The following DTD1 variants were observed in gnomAD, a reference collection of about 807,000 sequenced individuals.
The protein encoded by DTD1 is D-aminoacyl-tRNA deacylase 1.
A neutral mutation model predicts 25.6 loss-of-function variants in DTD1; 13 were observed. The ratio of observed to expected loss-of-function variants is 0.51; its 90% CI spans 0.33 to 0.81. DTD1 has a LOEUF of 0.81. Among genes scored for constraint, DTD1 ranks in the 30% least tolerant of loss-of-function variants. The probability of loss-of-function intolerance (pLI) is 0.02; values close to 1 mark genes in which losing one functional copy is unlikely to be tolerated. For missense variants in DTD1, 193 were observed against 266.4 expected (o/e 0.72, Z 1.92); for synonymous variants, 110 against 103.6 (o/e 1.06, Z -0.37).
At chr20:18,681,620 T>C (rs757161736) in intron 4 of DTD1, among the ~76,000 whole-genome samples, 1 of 152,152 alleles carries the variant, frequency 6.6e-6, no homozygotes, top group African/African-American at 2.4e-5. Context: ...AAGAAAATGT[T>C]TCCAGTGTTG....
At position 18,671,561 on chromosome 20, in the gene DTD1, T is replaced by G. The variant is rs74963306; in HGVS notation, c.477+43328T>G. On this transcript the variant is annotated intron_variant, in intron 4 of 5. Coordinates refer to ENST00000377452, the MANE Select transcript of DTD1 (RefSeq NM_080820.6). Reference sequence around the variant, plus strand: ...CCTGTGCTATTTATTGCATAAAGCATTAAAAACAGCACTAGCATGGTCATC... The same window carrying G: ...CCTGTGCTATTTATTGCATAAAGCAGTAAAAACAGCACTAGCATGGTCATC... Among the ~76,000 whole-genome samples, 354 of 152,336 alleles carry G rather than the reference T, an allele frequency of 2.3e-3. 3 individuals are homozygous for G. Among genetic ancestry groups the G allele is most frequent in the African/African-American group, 8.2e-3 (341 of 41,578 alleles).
At chr20:18,738,230 G>C (rs139235037) in intron 4 of DTD1, among the ~76,000 whole-genome samples, 1 of 152,206 alleles carries the variant, frequency 6.6e-6, no homozygotes, top group African/African-American at 2.4e-5. Context: ...GGGGTTTGGC[G>C]TCTGGAGGCC....
chr20:18,638,487 G>A (rs1304761813), intron 4 of DTD1, among the ~76,000 whole-genome samples: 1 of 152,196 alleles, frequency 6.6e-6, no homozygotes, highest in Non-Finnish European at 1.5e-5. Flanking sequence ...AGGGAAGGAT[G>A]CTGAGATAAG....
intron 4 of DTD1, among the ~76,000 whole-genome samples, chr20:18,644,645 G>C (rs1190944763): frequency 6.6e-6 from 1 of 152,208 alleles, no homozygotes; most frequent in African/African-American, 2.4e-5. Flanking sequence ...GAGTTGCTTG[G>C]AACCTGTGTA....
chr20:18,721,320 T>A (rs967620305), intron 4 of DTD1, among the ~76,000 whole-genome samples: 1 of 152,122 alleles, frequency 6.6e-6, no homozygotes, highest in African/African-American at 2.4e-5. Context: ...TTTGTTCATG[T>A]GGCCACATGG....
chr20:18,757,905 C>CT (rs545456861), intron 5 of DTD1, among the ~76,000 whole-genome samples: 5 of 152,106 alleles, frequency 3.3e-5, no homozygotes, highest in South Asian at 4.1e-4. Context: ...TGGTCCTGGA[C>CT]TTTTTTTGGT....
In DTD1 at chr20:18,617,302, C is replaced by T. The variant is rs116096636; in HGVS notation, c.371-10825C>T. ...CAAAACCTTATTGATTCAGGGACTA[C>T]GAATTCAGAAAAAAATTATATATAA... On this transcript the variant is annotated intron_variant, in intron 3 of 5. Coordinates refer to ENST00000377452, the MANE Select transcript of DTD1 (RefSeq NM_080820.6). Among the ~76,000 whole-genome samples the T allele has an allele frequency of 3.4e-3, 500 of 148,406 alleles. 1 individual carries two copies. The highest frequency in any genetic ancestry group is 9.7e-3 in the African/African-American group (396 of 40,634).
intron 4 of DTD1, among the ~76,000 whole-genome samples, chr20:18,713,701 C>T (rs2061168710): frequency 6.6e-6 from 1 of 152,146 alleles, no homozygotes; most frequent in South Asian, 2.1e-4. Flanking sequence ...TACCTTGGTT[C>T]TTCGTTCATG....
At chr20:18,640,632 T>C (rs2060824678) in intron 4 of DTD1, among the ~76,000 whole-genome samples, 1 of 121,718 alleles carries the variant, frequency 8.2e-6, no homozygotes, top group African/African-American at 2.6e-5. Context: ...CTGCAGAATT[T>C]TTTTTTTTTT....
intron 4 of DTD1, among the ~76,000 whole-genome samples, chr20:18,696,211 T>C (rs1241186866): frequency 6.6e-6 from 1 of 152,106 alleles, no homozygotes; most frequent in Non-Finnish European, 1.5e-5. Context: ...AATGTGGGCC[T>C]CATATGTCAC....
chr20:18,682,720 C>T (rs760284375), intron 4 of DTD1, among the ~76,000 whole-genome samples: 8 of 152,202 alleles, frequency 5.3e-5, no homozygotes, highest in Non-Finnish European at 1.2e-4. Context: ...ATTTTTTGGA[C>T]ACAGATGGCT....
At chr20:18,640,418 G>A (rs193126900) in intron 4 of DTD1, among the ~76,000 whole-genome samples, 4 of 151,790 alleles carry the variant, frequency 2.6e-5, no homozygotes, top group Admixed American at 6.6e-5. Context: ...CAGAGGTAGC[G>A]CCGTTAATAA....
intron 4 of DTD1, among the ~76,000 whole-genome samples, chr20:18,734,569 T>C (rs1176602166): frequency 6.6e-6 from 1 of 152,230 alleles, no homozygotes; most frequent in African/African-American, 2.4e-5. Context: ...TTCTGTGGCC[T>C]AGCAGAGCAC....
chr20:18,687,997 T>G (rs756675664), intron 4 of DTD1, among the ~76,000 whole-genome samples: 1 of 152,238 alleles, frequency 6.6e-6, no homozygotes, highest in Non-Finnish European at 1.5e-5. Context: ...TGTTAGTTGA[T>G]TCTCCCTTCA....
chr20:18,626,959 A>G (rs1372088541), intron 3 of DTD1, among the ~76,000 whole-genome samples: 1 of 152,214 alleles, frequency 6.6e-6, no homozygotes, highest in Non-Finnish European at 1.5e-5. Flanking sequence ...ATGCAATTAA[A>G]CACATGATTT....
At chr20:18,597,159 G>A (rs1243094170) in intron 3 of DTD1, among the ~76,000 whole-genome samples, 3 of 13,506 alleles carry the variant, frequency 2.2e-4, no homozygotes, top group African/African-American at 5.8e-4. Context: ...GAGAAAGTGT[G>A]TGTGTGTGTG....
chr20:18,693,687 G>A (rs1342643612), intron 4 of DTD1, among the ~76,000 whole-genome samples: 2 of 151,428 alleles, frequency 1.3e-5, no homozygotes, highest in African/African-American at 4.8e-5. Context: ...TCTTCCGCAT[G>A]GATCACACTT....
chr20:18,657,359 C>T (rs1005336659), intron 4 of DTD1, among the ~76,000 whole-genome samples: 14 of 152,286 alleles, frequency 9.2e-5, no homozygotes, highest in Admixed American at 4.6e-4. Context: ...GATAATAGCC[C>T]TTCTTATTTA....
At chr20:18,624,753 G>C (rs1478233366) in intron 3 of DTD1, among the ~76,000 whole-genome samples, 1 of 152,186 alleles carries the variant, frequency 6.6e-6, no homozygotes, top group Admixed American at 6.5e-5. Flanking sequence ...TCTGAGCAAA[G>C]TTTGATAATC....
Sources: allele counts gnomAD v4.1 joint callset (sites outside exome capture counted in the v4.1 genomes callset), GRCh38; gene constraint gnomAD v4.1.1; transcripts MANE v1.5; gene names NCBI Gene and HGNC (gene_info 2026-07-23, HGNC 2026-07-21).